NOP2: variants seen among roughly 807,000 people sequenced by gnomAD.
The protein encoded by NOP2 is NOP2 nucleolar protein.
A neutral mutation model predicts 72.7 loss-of-function variants in NOP2; 7 were observed. The ratio of observed to expected loss-of-function variants is 0.10; its 90% confidence interval spans 0.05 to 0.18. The LOEUF is 0.18. NOP2 is among the 10% of genes least tolerant of loss of function. The pLI is 1.00. For synonymous variants in NOP2, 387 were observed against 388.0 expected (o/e 1.00, Z 0.03); for missense variants, 954 against 1,014.7 (o/e 0.94, Z 0.81).
chr12:6,567,866 G>A lies in NOP2; in HGVS notation c.53C>T (p.Ala18Val), dbSNP rs770314843. The A allele has an allele frequency of 1.6e-5, 26 of 1,613,874 alleles. No individual in the cohort carries two copies. In the South Asian group the frequency reaches 2.6e-4, roughly 16 times the overall value. The change falls in exon 2 of 16, where the codon GCC (alanine) becomes GTC (valine). Residue 18 changes from alanine to valine, a missense_variant. Around this residue, in one of 3 missense-constraint regions of NOP2, gnomAD observed 498 missense variants for 478.3 expected, o/e 1.04. Transcript: ENST00000322166. ...TGTCTCGGCACCCTTCTGCTTCCGG[G>A]CCTTTCGGCCTGGCCCCCGCTTCTC... The part of the protein sequence containing the change: ...TKEKRGPGRK[A>V]RKQKGAETEL...
chr12:6,560,555 G>A lies in NOP2; in HGVS notation c.1452C>T (p.Ile484=). 6.3e-7 allele frequency: 1 copy of A among 1,599,532 alleles called. No homozygotes were observed. The highest frequency in any genetic ancestry group is 8.5e-7 in the Non-Finnish European group (1 of 1,170,678). Residue 484 remains isoleucine (I), a synonymous_variant, in exon 14 of 16, where the codon ATC becomes ATT. Transcript: ENST00000322166. This position sits in a 1 kb window ranked among gnomAD's most constrained non-coding sequence, Gnocchi z 5.0. ...AVKTNKDEKD[I]LRCAHLQKEL... ...CCTTCTGGAGGTGAGCACAGCGCAG[G>A]ATGTCCTTCTCATCCTGTCCCAAAA...
chr12:6,558,447 G>C (rs1386893154), intron 15 of NOP2, among the ~76,000 whole-genome samples: 1 of 151,632 alleles, frequency 6.6e-6, no homozygotes, highest in Non-Finnish European at 1.5e-5. Context: ...TGTATTTTTA[G>C]TAGAGATGAG....
In NOP2 at chr12:6,560,253, T is replaced by G; in HGVS notation, c.1634A>C (p.Asp545Ala). 1 of 1,613,976 alleles carries G rather than the reference T, an allele frequency of 6.2e-7. No individual in the cohort carries two copies. The highest frequency in any genetic ancestry group is 8.5e-7 in the Non-Finnish European group (1 of 1,179,886). Residue 545 changes from aspartate (D) to alanine (A), a missense_variant, in exon 15 of 16, where the codon GAC becomes GCC. Asp to Ala is a moderately radical substitution (Grantham distance 126). Around this residue, in one of 3 missense-constraint regions of NOP2, gnomAD observed 187 missense variants for 276.2 expected, o/e 0.68. Coordinates refer to ENST00000322166, the MANE Select transcript of NOP2 (RefSeq NM_001258308.2). The surrounding 1 kb of genome is among the most constrained non-coding windows in gnomAD (Gnocchi z 5.0). ...RNVRLVPTGL[D>A]FGQEGFTRFR... ...GCGGGTAAAACCTTCCTGGCCAAAG[T>G]CTAGGCCCGTGGGCACCAGTCGCAC...
At chr12:6,559,366 G>A (rs781201278) in intron 15 of NOP2, among the ~76,000 whole-genome samples, 2 of 152,118 alleles carry the variant, frequency 1.3e-5, no homozygotes, top group Non-Finnish European at 2.9e-5. Flanking sequence ...TGATCCACCC[G>A]TCTTGGCCTC....
chr12:6,559,795 T>C (rs1330260133), intron 15 of NOP2, among the ~76,000 whole-genome samples: 3 of 152,186 alleles, frequency 2.0e-5, no homozygotes, highest in Admixed American at 6.5e-5. Context: ...GTCCACCCTG[T>C]GCCAAGAAGG....
At chr12:6,565,936 A>AG (rs34881802) in intron 5 of NOP2, among the ~76,000 whole-genome samples, 165 bp downstream of exon 5, 45,544 of 151,888 alleles carry the variant, frequency 0.3, 9,480 homozygotes, top group African/African-American at 0.6. Flanking sequence ...TCAAACTTGT[A>AG]GTGCACTGGG....
chr12:6,565,663 C>T (rs996435073), intron 5 of NOP2, among the ~76,000 whole-genome samples: 5 of 151,728 alleles, frequency 3.3e-5, no homozygotes, highest in Admixed American at 6.6e-5. Context: ...TTTGTAGATA[C>T]GGGATCTCCC....
intron 11 of NOP2, among the ~76,000 whole-genome samples, 166 bp from the exon 12 acceptor site, chr12:6,561,236 T>G (rs1326872956): frequency 6.6e-6 from 1 of 152,224 alleles, no homozygotes. Context: ...CACTAGCCCC[T>G]GGTGATCGGC....
intron 5 of NOP2, chr12:6,564,220 G>A (rs1947721291): frequency 1.5e-6 from 1 of 663,334 alleles, no homozygotes; most frequent in Non-Finnish European, 2.4e-6. Flanking sequence ...AGGTTGCAGT[G>A]AGCCAAGACC....
At chr12:6,564,105 T>C (rs1337427478) in intron 5 of NOP2, 159 bp from the exon 6 acceptor site, 2 of 1,508,600 alleles carry the variant, frequency 1.3e-6, no homozygotes, top group South Asian at 1.2e-5. Flanking sequence ...GGGCGCAGCA[T>C]TGCTCACTGT....
At position 6,557,532 on chromosome 12, in the gene NOP2, G is replaced by C. The variant is rs200848672; in HGVS notation, c.1900C>G (p.Gln634Glu). The C allele has an allele frequency of 2.7e-5, 44 of 1,613,938 alleles. No individual in the cohort carries two copies. Among genetic ancestry groups the C allele is most frequent in the Non-Finnish European group, 3.5e-5 (41 of 1,179,886 alleles). Residue 634 changes from glutamine to glutamate, a missense_variant, in exon 16 of 16, where the codon CAG becomes GAG. Gln to Glu is a conservative substitution (Grantham distance 29). Around this residue, in one of 3 missense-constraint regions of NOP2, gnomAD observed 269 missense variants for 260.2 expected, o/e 1.03. Coordinates refer to ENST00000322166, the MANE Select transcript of NOP2 (RefSeq NM_001258308.2). ...GGATGTTGCTGTTTCTGCAGCTGCTGCTTTGTCTTTGCAGCCCCCTTGGCT... is the reference window on the plus strand; with the variant it reads ...GGATGTTGCTGTTTCTGCAGCTGCTCCTTTGTCTTTGCAGCCCCCTTGGCT... ...KKAKGAAKTK[Q>E]QLQKQQHPKK... is the part of the protein sequence containing the mutation.
Position 6,567,796 on chromosome 12 carries a change from A to G in NOP2, c.103+20T>C. The G allele has an allele frequency of 6.3e-7, 1 of 1,583,762 alleles. No homozygotes were observed. Among genetic ancestry groups the G allele is most frequent in the Non-Finnish European group, 8.7e-7 (1 of 1,152,846 alleles). ...ATACTGCAAAAGCTGAGGGATCAGG[A>G]GGCCACAACTAATCCTTACCTGCAG... On this transcript the variant is annotated intron_variant, in intron 2 of 15. Transcript: ENST00000322166.
chr12:6,560,183 G>A lies in NOP2; in HGVS notation c.1704C>T (p.Arg568=). The stretch of plus-strand genomic sequence containing the variant: ...CCATATTGTGGGTATGAGGGTAGAA[G>A]CGTCGGGTAGAACGCAGACTGGGGT... The part of the protein sequence containing the change: ...RFHPSLRSTR[R]FYPHTHNMDG... The change falls in exon 15 of 16, where the codon CGC becomes CGT. Residue 568 remains arginine (R), a synonymous_variant. Transcript: ENST00000322166. This position sits in a 1 kb window ranked among gnomAD's most constrained non-coding sequence, Gnocchi z 5.0. The A allele has an allele frequency of 6.2e-7, 1 of 1,614,064 alleles. No individual in the cohort carries two copies.
chr12:6,561,243 C>T (rs777149234), intron 11 of NOP2, among the ~76,000 whole-genome samples, 173 bp from the exon 12 acceptor site: 1 of 152,238 alleles, frequency 6.6e-6, no homozygotes, highest in Non-Finnish European at 1.5e-5. Flanking sequence ...CCCTGGTGAT[C>T]GGCAAGTCTA....
chr12:6,557,312 G>C lies in NOP2; in HGVS notation c.2120C>G (p.Ser707Cys). 6.2e-7 allele frequency: 1 copy of C among 1,614,020 alleles called. No individual in the cohort carries two copies. Among genetic ancestry groups the C allele is most frequent in the South Asian group, 1.1e-5 (1 of 91,086 alleles). The change falls in exon 16 of 16, where the codon TCC becomes TGC. Residue 707 changes from serine (S) to cysteine (C), a missense_variant. Around this residue, in one of 3 missense-constraint regions of NOP2, gnomAD observed 269 missense variants for 260.2 expected, o/e 1.03. Transcript: ENST00000322166. ...KLKQRSPKLQ[S>C]SKKVAFLRQN... ...CCTGAGGAAAGCAACTTTCTTGGAG[G>C]ACTGTAATTTAGGTGATCGTTGCTT...
chr12:6,558,568 C>A (rs1947566379), intron 15 of NOP2, among the ~76,000 whole-genome samples: 1 of 151,540 alleles, frequency 6.6e-6, no homozygotes. Flanking sequence ...CCCGGCCTCG[C>A]AGGGTCTTCT....
intron 5 of NOP2, among the ~76,000 whole-genome samples, chr12:6,564,744 T>C (rs553688362): frequency 1.3e-5 from 2 of 151,854 alleles, no homozygotes; most frequent in African/African-American, 4.8e-5. Flanking sequence ...TGTCGTTTTT[T>C]TTTTTTTTTT....
rs777772368 is a variant in NOP2 at position 6,566,858 on chromosome 12, C to T, written c.104-36G>A. On this transcript the variant is annotated intron_variant, in intron 2 of 15. Transcript: ENST00000322166. ...AAGAAAAACGAGGCAGAACAAGTTA[C>T]AGGGGACATTAAAAATAAATGGGAA... 7 of 1,560,442 alleles carry T rather than the reference C, an allele frequency of 4.5e-6. No individual in the cohort carries two copies. The East Asian group carries it at 6.8e-5, about 15-fold the overall frequency.
At position 6,564,009 on chromosome 12, in the gene NOP2, A is replaced by G. The variant is rs939052454; in HGVS notation, c.475-63T>C. On this transcript the variant is annotated intron_variant, in intron 5 of 15. Coordinates refer to ENST00000322166, the MANE Select transcript of NOP2 (RefSeq NM_001258308.2). ...TTCCATCAGCCCTTGTAGCAGTTCT[A>G]TCTCTATATCTTATTTTTTCGCTAA... is the stretch of plus-strand genomic sequence containing the variant. 8 of 1,569,410 alleles carry G rather than the reference A, an allele frequency of 5.1e-6. No homozygotes were observed. In the African/African-American group the frequency reaches 9.5e-5, roughly 19 times the overall value.
Sources: gnomAD v4.1 joint callset for allele counts (sites outside exome capture counted in the v4.1 genomes callset) on GRCh38, gnomAD v4.1.1 for gene constraint, gnomAD v4.1.1 regional missense constraint, Gnocchi (gnomAD v3.1) non-coding constraint, MANE v1.5 for transcripts, NCBI Gene and HGNC (gene_info 2026-07-23, HGNC 2026-07-21) for gene names.